Variants in ARHGAP31 observed in about 807,000 individuals in gnomAD.
ARHGAP31 encodes Rho GTPase activating protein 31.
Under a neutral mutation model 113.9 loss-of-function variants are expected in ARHGAP31, and 34 were observed. The observed-to-expected ratio is 0.30, with a 90% CI of 0.23 to 0.40. The LOEUF is 0.40. Among genes scored for constraint, ARHGAP31 ranks in the 10% least tolerant of loss-of-function variants. ARHGAP31 has a pLI of 1.00. For synonymous variants in ARHGAP31, 650 were observed against 684.8 expected, an observed-to-expected ratio of 0.95 and a Z score of 0.79; for missense variants, 1,548 against 1,767.1, an observed-to-expected ratio of 0.88 and a Z score of 2.22.
chr3:119,320,165 T>C (rs919250565), intron 1 of ARHGAP31, among the ~76,000 whole-genome samples: 3 of 152,224 alleles, frequency 2.0e-5, no homozygotes, highest in Non-Finnish European at 4.4e-5. Flanking sequence ...TTGAAGGATA[T>C]TGCTGCATTC....
chr3:119,365,506 A>G, intron 2 of ARHGAP31, 88 bp downstream of exon 2: 1 of 1,155,102 alleles, frequency 8.7e-7, no homozygotes, highest in Non-Finnish European at 1.3e-6. Flanking sequence ...AGTATTAAAA[A>G]CCCAAAGGAA....
intron 1 of ARHGAP31, among the ~76,000 whole-genome samples, chr3:119,320,184 A>G (rs1051800629): frequency 6.6e-6 from 1 of 152,208 alleles, no homozygotes; most frequent in Non-Finnish European, 1.5e-5. Context: ...TCTCCCTTCT[A>G]CCAGATCCTC....
chr3:119,341,134 T>C (rs1359898851), intron 1 of ARHGAP31, among the ~76,000 whole-genome samples: 2 of 152,112 alleles, frequency 1.3e-5, no homozygotes, highest in African/African-American at 4.8e-5. Flanking sequence ...GGAGTCCCCA[T>C]ATATTCTCTT....
chr3:119,344,255 T>A (rs1163649038), intron 1 of ARHGAP31, among the ~76,000 whole-genome samples: 4 of 152,254 alleles, frequency 2.6e-5, no homozygotes, highest in African/African-American at 9.6e-5. Context: ...CTGTATTTTA[T>A]CTGTCAACTC....
chr3:119,394,604 T>C (rs986062683), intron 8 of ARHGAP31, among the ~76,000 whole-genome samples: 1 of 151,710 alleles, frequency 6.6e-6, no homozygotes, highest in Non-Finnish European at 1.5e-5. Context: ...AAAAGAGAAA[T>C]GTACAAATGC....
rs186115612 is a variant in ARHGAP31 at position 119,308,148 on chromosome 3, G to A, written c.100+13144G>A. Among the ~76,000 whole-genome samples, 648 of 152,212 alleles carry A rather than the reference G, an allele frequency of 4.3e-3. 3 individuals are homozygous for A. Among genetic ancestry groups the A allele is most frequent in the Non-Finnish European group, 7.1e-3 (485 of 68,006 alleles). ...GAGTGAAGGATTGTAAAATGCTACAGATGACAAATGAAGTTGCTGAGAATG... is the reference window on the plus strand; with the variant it reads ...GAGTGAAGGATTGTAAAATGCTACAAATGACAAATGAAGTTGCTGAGAATG... On this transcript the variant is annotated intron_variant, in intron 1 of 11. Transcript: ENST00000264245.
chr3:119,351,930 G>A (rs2080114058), intron 1 of ARHGAP31, among the ~76,000 whole-genome samples: 1 of 152,172 alleles, frequency 6.6e-6, no homozygotes, highest in Non-Finnish European at 1.5e-5. Context: ...GTTAAACTGA[G>A]GATTTAAATG....
chr3:119,403,420 G>A (rs914217985), intron 10 of ARHGAP31, among the ~76,000 whole-genome samples: 16 of 152,172 alleles, frequency 1.1e-4, no homozygotes, highest in Admixed American at 3.3e-4. Context: ...ACTATACCAC[G>A]CTCCCTCCTG....
intron 1 of ARHGAP31, among the ~76,000 whole-genome samples, chr3:119,296,800 C>T (rs374500383): frequency 6.6e-6 from 1 of 152,122 alleles, no homozygotes; most frequent in South Asian, 2.1e-4. Flanking sequence ...ACCAGTACCC[C>T]GGGTTCCCCA....
intron 1 of ARHGAP31, among the ~76,000 whole-genome samples, chr3:119,332,860 GATA>G (rs2079907643): frequency 6.6e-6 from 1 of 152,124 alleles, no homozygotes; most frequent in Admixed American, 6.5e-5. Context: ...CTTTCACAGT[GATA>G]ATGAGAACTT....
At chr3:119,367,386 T>A (rs183605632) in intron 2 of ARHGAP31, among the ~76,000 whole-genome samples, 35 of 152,316 alleles carry the variant, frequency 2.3e-4, no homozygotes, top group African/African-American at 8.2e-4. Flanking sequence ...TACATACTAT[T>A]TGAGGCAGTA....
At chr3:119,397,275 T>C (rs2080561098) in intron 8 of ARHGAP31, among the ~76,000 whole-genome samples, 2 of 152,260 alleles carry the variant, frequency 1.3e-5, no homozygotes, top group Non-Finnish European at 2.9e-5. Context: ...AACTGCATCA[T>C]GAGAAAGAGG....
chr3:119,333,009 C>T (rs1301806429), intron 1 of ARHGAP31, among the ~76,000 whole-genome samples: 1 of 152,192 alleles, frequency 6.6e-6, no homozygotes, highest in Non-Finnish European at 1.5e-5. Context: ...GGCTAAATAA[C>T]TTGCCTAAAG....
intron 1 of ARHGAP31, among the ~76,000 whole-genome samples, chr3:119,364,020 C>T (rs2080232280): frequency 6.6e-6 from 1 of 152,182 alleles, no homozygotes; most frequent in Admixed American, 6.5e-5. Context: ...CTGCTGCTCT[C>T]TCTGTACCAT....
At position 119,419,434 on chromosome 3, in the gene ARHGAP31, G is replaced by A. The variant is rs2080804894; in HGVS notation, c.*3170G>A. The A allele has an allele frequency of 6.6e-6, 1 of 152,134 alleles. No homozygotes were observed. The highest frequency in any genetic ancestry group is 2.4e-5 in the African/African-American group (1 of 41,412). The allele number at this position is 152,134 out of a possible 1,614,324, so 9.4% of individuals were successfully genotyped here. A position where few individuals can be genotyped will look rare whatever the true frequency, so the allele number is the denominator to read the frequency against. ...CCCTAAAATTCAAAATATTGTCCAAGTCAAAAGTCTAGACTCTGAGGACAT... is the reference window on the plus strand; with the variant it reads ...CCCTAAAATTCAAAATATTGTCCAAATCAAAAGTCTAGACTCTGAGGACAT... On this transcript the variant is annotated 3_prime_UTR_variant, in exon 12 of 12. Coordinates refer to ENST00000264245, the MANE Select transcript of ARHGAP31 (RefSeq NM_020754.4).
chr3:119,323,717 G>C (rs2079815186), intron 1 of ARHGAP31, among the ~76,000 whole-genome samples: 2 of 152,180 alleles, frequency 1.3e-5, no homozygotes, highest in African/African-American at 4.8e-5. Flanking sequence ...GGGCTCACCG[G>C]CTGTATGGCC....
intron 10 of ARHGAP31, among the ~76,000 whole-genome samples, chr3:119,406,858 T>C (rs2080667331): frequency 6.6e-6 from 1 of 152,200 alleles, no homozygotes; most frequent in Admixed American, 6.5e-5. Context: ...TAGTGCTTCT[T>C]AGGGTTACCA....
chr3:119,299,893 A>G (rs1041108147), intron 1 of ARHGAP31, among the ~76,000 whole-genome samples: 3 of 152,232 alleles, frequency 2.0e-5, no homozygotes, highest in African/African-American at 7.2e-5. Context: ...CCTTGAATGG[A>G]GAATGAAGGC....
intron 1 of ARHGAP31, among the ~76,000 whole-genome samples, chr3:119,312,132 AAAGG>A (rs2079688521): frequency 1.3e-5 from 2 of 152,236 alleles, no homozygotes; most frequent in African/African-American, 4.8e-5. Context: ...CCAGACTGAT[AAAGG>A]AAGTGGAAAG....
Sources: gnomAD v4.1 joint callset for allele counts (sites outside exome capture counted in the v4.1 genomes callset) on GRCh38, gnomAD v4.1.1 for gene constraint, MANE v1.5 for transcripts, NCBI Gene and HGNC (gene_info 2026-07-23, HGNC 2026-07-21) for gene names.